TRAF3IP1: variants seen among roughly 807,000 people sequenced by gnomAD.
TRAF3IP1 encodes the protein intraflagellar transport 54, also known as TRAF3-interacting protein 1.
A neutral mutation model predicts 89.9 loss-of-function variants in TRAF3IP1; 53 were observed. That is an observed-to-expected ratio of 0.59 (90% CI 0.47 to 0.74). The LOEUF (loss-of-function observed/expected upper bound fraction) is 0.74. Ranked by LOEUF, TRAF3IP1 falls within the 30% of genes least tolerant of loss-of-function variation. The pLI, the probability that TRAF3IP1 is intolerant of heterozygous loss-of-function variation, is 0.00. For missense variants in TRAF3IP1, 806 were observed against 866.1 expected, an observed-to-expected ratio of 0.93 and a Z score of 0.87; for synonymous variants, 311 against 322.1, an observed-to-expected ratio of 0.97 and a Z score of 0.37.
intron 15 of TRAF3IP1, among the ~76,000 whole-genome samples, chr2:238,373,797 C>A (rs1410307627): frequency 6.6e-6 from 1 of 152,130 alleles, no homozygotes; most frequent in Non-Finnish European, 1.5e-5. Context: ...TTTGTGTCTT[C>A]TTTTATTTAG....
intron 8 of TRAF3IP1, among the ~76,000 whole-genome samples, chr2:238,339,916 A>G (rs1698556708): frequency 6.6e-6 from 1 of 152,258 alleles, no homozygotes; most frequent in African/African-American, 2.4e-5. Context: ...AGATAACACA[A>G]ACCCAGGCAG....
rs1456038160 is a variant in TRAF3IP1 at position 238,351,636 on chromosome 2, TC to T, written c.1452-1189del. ...GAGACGAGGGACGGGAGCCTGGACTTCCTGGTACTGACAGAGCAGCGGGTTC... is the reference window on the plus strand; with the variant it reads ...GAGACGAGGGACGGGAGCCTGGACTTCTGGTACTGACAGAGCAGCGGGTTC... On this transcript the variant is annotated intron_variant, in intron 12 of 16. Coordinates refer to ENST00000373327, the MANE Select transcript of TRAF3IP1 (RefSeq NM_015650.4). The surrounding 1 kb of genome is among the most constrained non-coding windows in gnomAD (Gnocchi z 5.2). Among the ~76,000 whole-genome samples the T allele has an allele frequency of 2.6e-5, 4 of 152,136 alleles. No individual in the cohort carries two copies. In the East Asian group the frequency reaches 5.8e-4, roughly 22 times the overall value.
Position 238,332,852 on chromosome 2 carries a change from A to C in TRAF3IP1, c.944A>C (p.Lys315Thr), listed in dbSNP as rs1479988999. Residue 315 changes from lysine (K) to threonine (T), a missense_variant, in exon 6 of 17, where the codon AAG (lysine) becomes ACG (threonine). By Grantham distance (78) the Lys-to-Thr change is moderately conservative (BLOSUM62 -1). This residue lies in a region of TRAF3IP1 where 732 missense variants were observed against 780.5 expected (regional missense o/e 0.94). Coordinates refer to ENST00000373327, the MANE Select transcript of TRAF3IP1 (RefSeq NM_015650.4). Reference sequence around the variant, plus strand: ...GCAAGCTCAGGGGAGATGTCTAAAAAGTTATCAGATGGAACTTTTAAAGAC... The same window carrying C: ...GCAAGCTCAGGGGAGATGTCTAAAACGTTATCAGATGGAACTTTTAAAGAC... ...KSASSGEMSKKLSDGTFKDSK... is the reference protein window; with the variant it reads ...KSASSGEMSKTLSDGTFKDSK... The C allele has an allele frequency of 6.2e-7, 1 of 1,613,430 alleles. No homozygotes were observed. The highest frequency in any genetic ancestry group is 8.5e-7 in the Non-Finnish European group (1 of 1,179,652).
At chr2:238,323,207 T>C (rs1236386323) in intron 1 of TRAF3IP1, among the ~76,000 whole-genome samples, 3 of 152,126 alleles carry the variant, frequency 2.0e-5, no homozygotes, top group Non-Finnish European at 4.4e-5. Context: ...GCCTTCTGAG[T>C]AGCTGGGACT....
At chr2:238,320,819 G>A (rs1055144854) in intron 1 of TRAF3IP1, 34 bp downstream of exon 1, 93 of 1,364,226 alleles carry the variant, frequency 6.8e-5, no homozygotes, top group Non-Finnish European at 8.7e-5. Flanking sequence ...GCCAGGTGCG[G>A]GTCGGGATTC....
rs1224340236 is a variant in TRAF3IP1, at chr2:238,379,436, G to A, written c.1690-18023G>A. 6.6e-6 allele frequency among the ~76,000 whole-genome samples: 1 copy of A among 152,246 alleles called. No homozygotes were observed. The highest frequency in any genetic ancestry group is 1.5e-5 in the Non-Finnish European group (1 of 68,040). On this transcript the variant is annotated intron_variant, in intron 15 of 16. Transcript: ENST00000373327. The surrounding 1 kb of genome is among the most constrained non-coding windows in gnomAD (Gnocchi z 4.0). The stretch of plus-strand genomic sequence containing the variant: ...CAGCTTCAGCAGAACTCCTTATTCT[G>A]TCTGCCTTGGCAGCCACAGACACCT...
chr2:238,356,200 T>A, intron 15 of TRAF3IP1, 120 bp downstream of exon 15: 1 of 866,262 alleles, frequency 1.2e-6, no homozygotes, highest in African/African-American at 1.7e-5. Flanking sequence ...GTTTGCATAT[T>A]TAAATGCCAT....
chr2:238,391,414 C>T (rs1414066592), intron 15 of TRAF3IP1, among the ~76,000 whole-genome samples: 2 of 152,184 alleles, frequency 1.3e-5, no homozygotes, highest in African/African-American at 4.8e-5. Context: ...ACATATAACT[C>T]GAGGTCTGTC....
chr2:238,320,627 A>AGGGGCGCGGGCGGCCAGCGGGCGGCGGAC lies in TRAF3IP1; in HGVS notation c.-34_-6dup, dbSNP rs1697471586. 7.8e-7 allele frequency: 1 copy of AGGGGCGCGGGCGGCCAGCGGGCGGCGGAC among 1,279,554 alleles called. No individual in the cohort carries two copies. The highest frequency in any genetic ancestry group is 4.0e-5 in the East Asian group (1 of 25,228). The allele number at this position is 1,279,554 out of a possible 1,614,324, so 79.3% of individuals were successfully genotyped here. On this transcript the variant is annotated 5_prime_UTR_variant, in exon 1 of 17. Transcript: ENST00000373327. Reference sequence around the variant, plus strand: ...GGCTTAGGCTCGGCCAGGCCGGCTGAGGGGCGCGGGCGGCCAGCGGGCGGC... The same window carrying AGGGGCGCGGGCGGCCAGCGGGCGGCGGAC: ...GGCTTAGGCTCGGCCAGGCCGGCTGAGGGGCGCGGGCGGCCAGCGGGCGGCGGACGGGGCGCGGGCGGCCAGCGGGCGGC...
chr2:238,330,003 A>T (rs1698041709), intron 5 of TRAF3IP1, among the ~76,000 whole-genome samples: 1 of 152,180 alleles, frequency 6.6e-6, no homozygotes. Context: ...TGATTTGCCA[A>T]GTTGCTCTTG....
At chr2:238,323,957 T>C (rs1484033815) in intron 1 of TRAF3IP1, among the ~76,000 whole-genome samples, 3 of 152,156 alleles carry the variant, frequency 2.0e-5, no homozygotes, top group Admixed American at 2.0e-4. Flanking sequence ...ACCAAAGCAG[T>C]GAGGTGTGGA....
chr2:238,333,943 A>C lies in TRAF3IP1; in HGVS notation c.988-17A>C. Reference sequence around the variant, plus strand: ...GTAATACATCAATTAATTTCTTTTCATTCTTTTTTCTTTAAGACTGAGATT... The same window carrying C: ...GTAATACATCAATTAATTTCTTTTCCTTCTTTTTTCTTTAAGACTGAGATT... On this transcript the variant is annotated splice_polypyrimidine_tract_variant and intron_variant, in intron 6 of 16. Transcript: ENST00000373327. 6.3e-7 allele frequency: 1 copy of C among 1,591,864 alleles called. No homozygotes were observed. Among genetic ancestry groups the C allele is most frequent in the East Asian group, 2.2e-5 (1 of 44,774 alleles).
intron 3 of TRAF3IP1, among the ~76,000 whole-genome samples, chr2:238,326,708 T>C (rs1269201767): frequency 2.6e-5 from 4 of 151,984 alleles, no homozygotes; most frequent in African/African-American, 7.3e-5. Flanking sequence ...ATTAATACAG[T>C]TTTTCACATA....
At chr2:238,356,323 C>A (rs1699403451) in intron 15 of TRAF3IP1, among the ~76,000 whole-genome samples, 1 of 152,276 alleles carries the variant, frequency 6.6e-6, no homozygotes, top group Non-Finnish European at 1.5e-5. Context: ...ATGGTGAAAC[C>A]CTGTCTTTAC....
chr2:238,344,482 A>G lies in TRAF3IP1; in HGVS notation c.1160-15A>G. On this transcript the variant is annotated splice_polypyrimidine_tract_variant and intron_variant, in intron 8 of 16. Coordinates refer to ENST00000373327, the MANE Select transcript of TRAF3IP1 (RefSeq NM_015650.4). ...GTACAGTCTTAATGACTAATTTTAAACTGTTTTATGTCAGGAACAAAAGAA... is the reference window on the plus strand; with the variant it reads ...GTACAGTCTTAATGACTAATTTTAAGCTGTTTTATGTCAGGAACAAAAGAA... 1.9e-6 allele frequency: 3 copies of G among 1,607,282 alleles called. No homozygotes were observed. Among genetic ancestry groups the G allele is most frequent in the Non-Finnish European group, 2.6e-6 (3 of 1,173,838 alleles).
At chr2:238,334,833 A>G (rs951093692) in intron 7 of TRAF3IP1, among the ~76,000 whole-genome samples, 2 of 152,248 alleles carry the variant, frequency 1.3e-5, no homozygotes, top group African/African-American at 4.8e-5. Flanking sequence ...GTAGGTTTCC[A>G]GAAGCGCAGT....
intron 3 of TRAF3IP1, among the ~76,000 whole-genome samples, chr2:238,327,727 A>G (rs1441501930): frequency 6.6e-6 from 1 of 151,766 alleles, no homozygotes; most frequent in African/African-American, 2.4e-5. Context: ...TCCCCATGAA[A>G]CACTAACTTC....
Position 238,326,035 on chromosome 2 carries a change from G to A in TRAF3IP1, c.354+65G>A, listed in dbSNP as rs916641715. On this transcript the variant is annotated intron_variant, in intron 3 of 16. Transcript: ENST00000373327. ...TTGAGTAAAAAGTAGTCGGGGGTGA[G>A]GGACTCACATGTGCGGGCGGTTTAG... is the stretch of plus-strand genomic sequence containing the variant. The A allele has an allele frequency of 2.6e-6, 4 of 1,538,286 alleles. No individual in the cohort carries two copies. In the African/African-American group the frequency reaches 5.5e-5, roughly 21 times the overall value.
At chr2:238,373,405 C>T (rs1384577788) in intron 15 of TRAF3IP1, among the ~76,000 whole-genome samples, 1 of 152,158 alleles carries the variant, frequency 6.6e-6, no homozygotes, top group African/African-American at 2.4e-5. Context: ...TTCCCCATTT[C>T]TTGTTTTTGT....
Sources: allele counts gnomAD v4.1 joint callset (sites outside exome capture counted in the v4.1 genomes callset), GRCh38; gene constraint gnomAD v4.1.1; regional missense constraint gnomAD v4.1.1; non-coding constraint Gnocchi (gnomAD v3.1); transcripts MANE v1.5; gene names NCBI Gene and HGNC (gene_info 2026-07-23, HGNC 2026-07-21).